Variants in ADAMTS2 observed in about 807,000 individuals in gnomAD.
ADAMTS2 encodes the protein A disintegrin and metalloproteinase with thrombospondin motifs 2.
Under a neutral mutation model 123.0 loss-of-function variants are expected in ADAMTS2, and 50 were observed. The observed-to-expected ratio is 0.41, with a 90% CI of 0.32 to 0.51. ADAMTS2 has a LOEUF of 0.51. Ranked by LOEUF, ADAMTS2 falls within the 20% of genes least tolerant of loss-of-function variation. The pLI is 0.35. For synonymous variants in ADAMTS2, 678 were observed against 695.4 expected (o/e 0.98, Z 0.39); for missense variants, 1,494 against 1,705.2 (o/e 0.88, Z 2.18).
intron 2 of ADAMTS2, among the ~76,000 whole-genome samples, chr5:179,305,416 G>A (rs1464282426): frequency 6.6e-6 from 1 of 151,674 alleles, no homozygotes; most frequent in Non-Finnish European, 1.5e-5. Flanking sequence ...CCTATATGAT[G>A]GCAGGGTCTC....
rs1762705250 is a variant in ADAMTS2 at position 179,118,783 on chromosome 5, G to A, written c.3178+2878C>T. On this transcript the variant is annotated intron_variant, in intron 21 of 21. Transcript: ENST00000251582. This position sits in a 1 kb window ranked among gnomAD's most constrained non-coding sequence, Gnocchi z 4.5. ...GCCAAGCTCTGAGCTGAAGGGAAAT[G>A]AGCAAATGTGAGACAGGCTAAAGCT... Among the ~76,000 whole-genome samples, 2 of 152,196 alleles carry A rather than the reference G, an allele frequency of 1.3e-5. No individual in the cohort carries two copies. Among genetic ancestry groups the A allele is most frequent in the Non-Finnish European group, 2.9e-5 (2 of 68,028 alleles).
rs1019609836 is a variant in ADAMTS2 at position 179,125,887 on chromosome 5, G to A, written c.2750+111C>T. The stretch of plus-strand genomic sequence containing the variant: ...CATGAAATGTGGTGAGAGAGACTTG[G>A]TCAAATGCCTCGGATGATGCCAGGC... On this transcript the variant is annotated intron_variant, in intron 18 of 21. Transcript: ENST00000251582. The A allele has an allele frequency of 1.1e-5, 17 of 1,480,270 alleles. No individual in the cohort carries two copies. In the Admixed American group the frequency reaches 2.7e-4, roughly 23 times the overall value. The allele number at this position is 1,480,270 out of a possible 1,614,324, so 91.7% of individuals were successfully genotyped here.
At chr5:179,277,231 C>G (rs575971116) in intron 2 of ADAMTS2, among the ~76,000 whole-genome samples, 22 of 152,228 alleles carry the variant, frequency 1.4e-4, no homozygotes, top group African/African-American at 5.1e-4. Flanking sequence ...TCCTCACAGC[C>G]CCGCCCGTCT....
rs545520957 is a variant in ADAMTS2, at chr5:179,314,585, T to C, written c.534+29182A>G. Among the ~76,000 whole-genome samples, 2 of 152,246 alleles carry C rather than the reference T, an allele frequency of 1.3e-5. No individual in the cohort carries two copies. The highest frequency in any genetic ancestry group is 3.9e-4 in the East Asian group (2 of 5,172). The stretch of plus-strand genomic sequence containing the variant: ...CGTGTCTCTCTCTCACGGGCCCACA[T>C]CCTCACTGGACTGTCTCCCTTTTAC... On this transcript the variant is annotated intron_variant, in intron 2 of 21. Coordinates refer to ENST00000251582, the MANE Select transcript of ADAMTS2 (RefSeq NM_014244.5). The surrounding 1 kb of genome is among the most constrained non-coding windows in gnomAD (Gnocchi z 4.5).
intron 3 of ADAMTS2, among the ~76,000 whole-genome samples, chr5:179,269,369 G>C (rs1053285004): frequency 1.3e-5 from 2 of 151,210 alleles, no homozygotes; most frequent in Non-Finnish European, 2.9e-5. Flanking sequence ...AAAAGAAAGA[G>C]GTTTATTGGA....
Position 179,158,824 on chromosome 5 carries a change from C to G in ADAMTS2, c.1031G>C (p.Arg344Pro). The part of the protein sequence containing the change: ...NPSQSLENVC[R>P]WAYLQQKPDT... The stretch of plus-strand genomic sequence containing the variant: ...TGGCTTCTGCTGGAGGTAGGCCCAG[C>G]GGCAGACATTCTCCAGGCTCTGAGA... Residue 344 changes from arginine to proline, a missense_variant, in exon 6 of 22, where the codon CGC becomes CCC. This residue lies in a region of ADAMTS2 where 70 missense variants were observed against 85.3 expected (regional missense o/e 0.82). Coordinates refer to ENST00000251582, the MANE Select transcript of ADAMTS2 (RefSeq NM_014244.5). The surrounding 1 kb of genome is among the most constrained non-coding windows in gnomAD (Gnocchi z 5.0). 9 of 1,614,182 alleles carry G rather than the reference C, an allele frequency of 5.6e-6. No homozygotes were observed. Among genetic ancestry groups the G allele is most frequent in the Non-Finnish European group, 7.6e-6 (9 of 1,180,044 alleles).
chr5:179,125,591 T>C (rs940279743), intron 18 of ADAMTS2, among the ~76,000 whole-genome samples: 1 of 152,214 alleles, frequency 6.6e-6, no homozygotes, highest in Non-Finnish European at 1.5e-5. Context: ...CGCTGTCCTA[T>C]GTGGCCCCCA....
At chr5:179,283,067 A>T (rs201636004) in intron 2 of ADAMTS2, among the ~76,000 whole-genome samples, 1 of 150,468 alleles carries the variant, frequency 6.6e-6, no homozygotes, top group Admixed American at 6.6e-5. Context: ...CCTCCCCAGC[A>T]CCCCCCACCT....
chr5:179,304,494 C>T (rs550238722), intron 2 of ADAMTS2, among the ~76,000 whole-genome samples: 5 of 152,196 alleles, frequency 3.3e-5, no homozygotes, highest in African/African-American at 7.2e-5. Context: ...CAGCAAGAAA[C>T]GGAAGACATA....
intron 10 of ADAMTS2, among the ~76,000 whole-genome samples, chr5:179,151,823 G>A (rs1383410105): frequency 1.3e-5 from 2 of 152,134 alleles, no homozygotes; most frequent in Non-Finnish European, 1.5e-5. Flanking sequence ...CAGGTGAGGT[G>A]ACCCACAGTG....
rs1764225089 is a variant in ADAMTS2 at position 179,188,502 on chromosome 5, A to G, written c.892-7347T>C. Reference sequence around the variant, plus strand: ...GAGCCTGGGCTTATCATGAGAATCAACGTTCCCATTGCAGATCTTCTTCAC... The same window carrying G: ...GAGCCTGGGCTTATCATGAGAATCAGCGTTCCCATTGCAGATCTTCTTCAC... On this transcript the variant is annotated intron_variant, in intron 4 of 21. Coordinates refer to ENST00000251582, the MANE Select transcript of ADAMTS2 (RefSeq NM_014244.5). This position sits in a 1 kb window ranked among gnomAD's most constrained non-coding sequence, Gnocchi z 5.1. Among the ~76,000 whole-genome samples the G allele has an allele frequency of 1.3e-5, 2 of 152,128 alleles. No homozygotes were observed. The highest frequency in any genetic ancestry group is 2.9e-5 in the Non-Finnish European group (2 of 68,024).
In ADAMTS2 at chr5:179,344,158, C is replaced by T. The variant is rs1019548575; in HGVS notation, c.143G>A (p.Gly48Glu). The T allele has an allele frequency of 5.0e-6, 8 of 1,597,258 alleles. No individual in the cohort carries two copies. The Admixed American group carries it at 8.7e-5, about 17-fold the overall frequency. Residue 48 changes from glycine to glutamate, a missense_variant, in exon 2 of 22, where the codon GGG becomes GAG. Transcript: ENST00000251582. ...RLAAAADPPG[G>E]PLGHGAERIL... is the part of the protein sequence containing the mutation. Reference sequence around the variant, plus strand: ...GCGCTCCGCTCCGTGCCCCAGGGGCCCGCCTGCAACGGGAAGGGGCGTTAG... The same window carrying T: ...GCGCTCCGCTCCGTGCCCCAGGGGCTCGCCTGCAACGGGAAGGGGCGTTAG...
chr5:179,295,225 T>A (rs1452177138), intron 2 of ADAMTS2, among the ~76,000 whole-genome samples: 1 of 152,142 alleles, frequency 6.6e-6, no homozygotes, highest in Non-Finnish European at 1.5e-5. Context: ...CAGGCTGATG[T>A]TCTGGGCTGG....
Position 179,222,867 on chromosome 5 carries a change from C to T in ADAMTS2, c.689-15152G>A, listed in dbSNP as rs552063626. Among the ~76,000 whole-genome samples, 8 of 152,330 alleles carry T rather than the reference C, an allele frequency of 5.3e-5. No homozygotes were observed. The East Asian group carries it at 7.7e-4, about 15-fold the overall frequency. On this transcript the variant is annotated intron_variant, in intron 3 of 21. Coordinates refer to ENST00000251582, the MANE Select transcript of ADAMTS2 (RefSeq NM_014244.5). ...AGCCCCTGCAGGGCCCAGCTGCCTC[C>T]GAACCTCCAGCATGCTTCTCCCAGG...
intron 5 of ADAMTS2, among the ~76,000 whole-genome samples, chr5:179,168,212 C>T (rs1273835630): frequency 6.6e-6 from 1 of 152,208 alleles, no homozygotes; most frequent in Non-Finnish European, 1.5e-5. Context: ...CAGTGGAACC[C>T]TCCCCCTAGT....
intron 5 of ADAMTS2, among the ~76,000 whole-genome samples, chr5:179,163,763 T>C (rs1451704797): frequency 1.3e-5 from 2 of 152,226 alleles, no homozygotes; most frequent in Non-Finnish European, 2.9e-5. Flanking sequence ...GTTTTTGTTC[T>C]TGCCTCGCTT....
intron 2 of ADAMTS2, among the ~76,000 whole-genome samples, chr5:179,326,206 G>A (rs1757316214): frequency 7.3e-6 from 1 of 136,616 alleles, no homozygotes; most frequent in Non-Finnish European, 1.6e-5. Context: ...GTGTGCGTGT[G>A]TGTGTGTGTG....
chr5:179,207,332 G>T (rs572826813), intron 4 of ADAMTS2, among the ~76,000 whole-genome samples, 181 bp downstream of exon 4: 3 of 152,286 alleles, frequency 2.0e-5, no homozygotes, highest in Admixed American at 2.0e-4. Flanking sequence ...TGAGGTCAGG[G>T]ATGGTCAACT....
intron 2 of ADAMTS2, among the ~76,000 whole-genome samples, chr5:179,306,672 C>G (rs1756681761): frequency 6.6e-6 from 1 of 152,094 alleles, no homozygotes; most frequent in Non-Finnish European, 1.5e-5. Context: ...AACCCGTGTT[C>G]CTGGGGAAGG....
Sources: gnomAD v4.1 joint callset for allele counts (sites outside exome capture counted in the v4.1 genomes callset) on GRCh38, gnomAD v4.1.1 for gene constraint, gnomAD v4.1.1 regional missense constraint, Gnocchi (gnomAD v3.1) non-coding constraint, MANE v1.5 for transcripts, NCBI Gene and HGNC (gene_info 2026-07-23, HGNC 2026-07-21) for gene names.